The following TRPC4 variants were observed in gnomAD, a reference collection of about 807,000 sequenced individuals.
The protein encoded by TRPC4 is short transient receptor potential channel 4.
TRPC4 carries 49 observed loss-of-function variants against 99.4 expected under a neutral mutation model. That is an observed-to-expected ratio of 0.49 (90% CI 0.39 to 0.63). The LOEUF (loss-of-function observed/expected upper bound fraction) is 0.63. Among genes scored for constraint, TRPC4 ranks in the 20% least tolerant of loss-of-function variants. The pLI is 0.00. For synonymous variants in TRPC4, 454 were observed against 425.9 expected (o/e 1.07, Z -0.81); for missense variants, 898 against 1,152.9 (o/e 0.78, Z 3.20).
chr13:37,759,157 AG>A (rs1956164159), intron 2 of TRPC4, among the ~76,000 whole-genome samples: 1 of 151,804 alleles, frequency 6.6e-6, no homozygotes, highest in African/African-American at 2.4e-5. Flanking sequence ...ATATGTGAAA[AG>A]TTAAATTTTT....
At chr13:37,841,860 G>A (rs9548070) in intron 1 of TRPC4, among the ~76,000 whole-genome samples, 35,225 of 152,016 alleles carry the variant, frequency 0.23, 4,316 homozygotes, top group African/African-American at 0.3. Context: ...CCACTATCAT[G>A]TGACTCAACA....
intron 2 of TRPC4, among the ~76,000 whole-genome samples, chr13:37,774,405 A>T (rs889994500): frequency 5.3e-5 from 8 of 151,858 alleles, no homozygotes; most frequent in Non-Finnish European, 1.0e-4. Flanking sequence ...GAAATTGATT[A>T]AAAAACGAGT....
chr13:37,856,217 A>G (rs1171132741), intron 1 of TRPC4, among the ~76,000 whole-genome samples: 1 of 151,716 alleles, frequency 6.6e-6, no homozygotes, highest in East Asian at 1.9e-4. Flanking sequence ...AATCCCAAGG[A>G]TCATCAGTGG....
chr13:37,670,936 T>C (rs1952817092), intron 5 of TRPC4, among the ~76,000 whole-genome samples: 1 of 152,186 alleles, frequency 6.6e-6, no homozygotes, highest in Non-Finnish European at 1.5e-5. Context: ...TTCCATGTCA[T>C]TACAGAAAAG....
At chr13:37,660,550 G>A (rs1471302923) in intron 6 of TRPC4, among the ~76,000 whole-genome samples, 2 of 152,080 alleles carry the variant, frequency 1.3e-5, no homozygotes, top group Non-Finnish European at 2.9e-5. Flanking sequence ...GAAATATTGG[G>A]TTCAAAATTT....
At chr13:37,719,990 AAAAGATGGAAG>A (rs769872759) in intron 3 of TRPC4, among the ~76,000 whole-genome samples, 1 of 152,098 alleles carries the variant, frequency 6.6e-6, no homozygotes, top group Non-Finnish European at 1.5e-5. Context: ...AAGTGTTCTT[AAAAGATGGAAG>A]AAGGAGGCAG....
At chr13:37,731,346 C>CT (rs974776213) in intron 3 of TRPC4, among the ~76,000 whole-genome samples, 2 of 151,942 alleles carry the variant, frequency 1.3e-5, no homozygotes, top group African/African-American at 4.8e-5. Flanking sequence ...ACTGATGCTG[C>CT]TTTTATTTCC....
Position 37,636,620 on chromosome 13 carries a change from A to C in TRPC4, c.*283T>G, listed in dbSNP as rs145609701. 58 of 252,806 alleles carry C rather than the reference A, an allele frequency of 2.3e-4. 1 individual carries two copies. In the East Asian group the frequency reaches 4.1e-3, roughly 18 times the overall value. The allele number at this position is 252,806 out of a possible 1,614,324, so 15.7% of individuals were successfully genotyped here. On this transcript the variant is annotated 3_prime_UTR_variant, in exon 11 of 11. Coordinates refer to ENST00000379705, the MANE Select transcript of TRPC4 (RefSeq NM_016179.4). ...TTTGTTTTAATTGAAAAAGATAGCT[A>C]AAATGTTTCTGTGGGTTATTGCAAC... is the stretch of plus-strand genomic sequence containing the variant.
intron 3 of TRPC4, among the ~76,000 whole-genome samples, chr13:37,709,960 A>G (rs1191635145): frequency 1.3e-5 from 2 of 152,000 alleles, no homozygotes; most frequent in Non-Finnish European, 2.9e-5. Flanking sequence ...AGATTGCTGC[A>G]TATCATGGAA....
intron 2 of TRPC4, among the ~76,000 whole-genome samples, chr13:37,748,942 G>A (rs1303260215): frequency 1.5e-4 from 23 of 152,088 alleles, no homozygotes; most frequent in Admixed American, 1.4e-3. Context: ...TAATGATATG[G>A]TTTGGCTTTG....
chr13:37,693,134 C>T (rs895662715), intron 3 of TRPC4, among the ~76,000 whole-genome samples: 1 of 151,904 alleles, frequency 6.6e-6, no homozygotes, highest in African/African-American at 2.4e-5. Context: ...GGATTTTTTT[C>T]TCAATATCTC....
chr13:37,717,518 T>C (rs7320883), intron 3 of TRPC4, among the ~76,000 whole-genome samples: 14,617 of 152,172 alleles, frequency 0.096, 808 homozygotes, highest in Admixed American at 0.17. Context: ...TTGTGTCCTC[T>C]ACCCAAGATT....
chr13:37,746,413 G>C lies in TRPC4; in HGVS notation c.421C>G (p.Pro141Ala). Residue 141 changes from proline (P) to alanine (A), a missense_variant, in exon 3 of 11, where the codon CCA becomes GCA. This residue lies in a region of TRPC4 where 278 missense variants were observed against 346.6 expected (regional missense o/e 0.80). Coordinates refer to ENST00000379705, the MANE Select transcript of TRPC4 (RefSeq NM_016179.4). ...GCCAAAATGATTGGTGTAATGTCTG[G>C]AGTGAATTCAGAGAACTGCTTATCA... ...LLDKQFSEFT[P>A]DITPIILAAH... 1 of 1,612,992 alleles carries C rather than the reference G, an allele frequency of 6.2e-7. No individual in the cohort carries two copies. The highest frequency in any genetic ancestry group is 8.5e-7 in the Non-Finnish European group (1 of 1,179,616).
intron 2 of TRPC4, among the ~76,000 whole-genome samples, chr13:37,758,747 T>C (rs1956155443): frequency 1.3e-5 from 2 of 151,728 alleles, no homozygotes; most frequent in Admixed American, 1.3e-4. Flanking sequence ...CAGAGCTGAT[T>C]ACATACAGAA....
intron 1 of TRPC4, among the ~76,000 whole-genome samples, chr13:37,792,203 G>A (rs1262053915): frequency 6.6e-6 from 1 of 152,128 alleles, no homozygotes; most frequent in Non-Finnish European, 1.5e-5. Flanking sequence ...TAACCCCTAA[G>A]ATTAAGATGC....
chr13:37,861,648 G>C (rs1959338340), intron 1 of TRPC4, among the ~76,000 whole-genome samples: 1 of 151,508 alleles, frequency 6.6e-6, no homozygotes, highest in Admixed American at 6.6e-5. Context: ...GGTTCACTTT[G>C]TTCCAAGAAC....
intron 1 of TRPC4, among the ~76,000 whole-genome samples, chr13:37,796,013 A>G (rs1957234119): frequency 6.6e-6 from 1 of 152,144 alleles, no homozygotes; most frequent in Non-Finnish European, 1.5e-5. Context: ...AATCAGGGTC[A>G]GATGTGGTAA....
chr13:37,645,484 T>A (rs1951840004), intron 8 of TRPC4, among the ~76,000 whole-genome samples: 1 of 152,182 alleles, frequency 6.6e-6, no homozygotes, highest in Admixed American at 6.5e-5. Context: ...AATGCCGTTT[T>A]CTCTCATTTC....
intron 2 of TRPC4, among the ~76,000 whole-genome samples, chr13:37,770,527 C>A (rs1379040946): frequency 6.6e-6 from 1 of 151,470 alleles, no homozygotes; most frequent in Non-Finnish European, 1.5e-5. Flanking sequence ...ATATTACCAC[C>A]AAGCCAAGCA....
Sources: allele counts gnomAD v4.1 joint callset (sites outside exome capture counted in the v4.1 genomes callset), GRCh38; gene constraint gnomAD v4.1.1; regional missense constraint gnomAD v4.1.1; transcripts MANE v1.5; gene names NCBI Gene and HGNC (gene_info 2026-07-23, HGNC 2026-07-21).